Variants in GNA14 observed in about 807,000 individuals in gnomAD.
GNA14 encodes the protein G protein subunit alpha 14, also known as guanine nucleotide-binding protein subunit alpha-14.
GNA14 carries 50 observed loss-of-function variants against 42.0 expected under a neutral mutation model. The ratio of observed to expected loss-of-function variants is 1.19; its 90% CI spans 0.95 to 1.51. The LOEUF is 1.51. Ranked by LOEUF, GNA14 falls within the 40% of genes most tolerant of loss-of-function variation. The pLI is 0.00. For missense variants in GNA14, 473 were observed against 446.2 expected (o/e 1.06, Z -0.54); for synonymous variants, 173 against 163.1 (o/e 1.06, Z -0.46).
At chr9:77,498,803 T>G (rs114544153) in intron 2 of GNA14, among the ~76,000 whole-genome samples, 3,963 of 152,250 alleles carry the variant, frequency 0.026, 173 homozygotes, top group African/African-American at 0.089. Context: ...TCTCCAGCCC[T>G]CCTGGCTTTG....
chr9:77,590,993 G>T (rs1823382630), intron 1 of GNA14, among the ~76,000 whole-genome samples: 1 of 152,082 alleles, frequency 6.6e-6, no homozygotes, highest in Admixed American at 6.5e-5. Flanking sequence ...TTCTTCTATA[G>T]GAATAAAGAA....
Position 77,521,063 on chromosome 9 carries a change from G to A in GNA14, c.309+8006C>T, listed in dbSNP as rs1837348728. Among the ~76,000 whole-genome samples, 4 of 152,156 alleles carry A rather than the reference G, an allele frequency of 2.6e-5. No homozygotes were observed. The South Asian group carries it at 8.3e-4, about 32-fold the overall frequency. ...TATATTTCAAGCTCTGATTACAGCA[G>A]TTTTCACACTAAAGTAAACACTGAT... On this transcript the variant is annotated intron_variant, in intron 2 of 6. Transcript: ENST00000341700.
chr9:77,467,000 GGT>G (rs59321037), intron 2 of GNA14, among the ~76,000 whole-genome samples: 17,923 of 143,218 alleles, frequency 0.13, 1,072 homozygotes, highest in Middle Eastern at 0.18. Flanking sequence ...TTTACCACTC[GGT>G]GTGTGTGTGT....
intron 2 of GNA14, among the ~76,000 whole-genome samples, chr9:77,439,752 A>C: frequency 6.6e-6 from 1 of 152,360 alleles, no homozygotes; most frequent in Admixed American, 6.5e-5. Context: ...CTGTTCAAAC[A>C]ACCTCTATGG....
rs980060619 is a variant in GNA14, at chr9:77,647,595, G to A, written c.124+75C>T. On this transcript the variant is annotated intron_variant, in intron 1 of 6. Coordinates refer to ENST00000341700, the MANE Select transcript of GNA14 (RefSeq NM_004297.4). ...CCCCGCTGGGCTCCAGGGCCGCGCG[G>A]GTGCCAGTGGAGAGGCCGGGAGGGC... 16 of 1,507,390 alleles carry A rather than the reference G, an allele frequency of 1.1e-5. No individual in the cohort carries two copies. In the African/African-American group the frequency reaches 1.4e-4, roughly 13 times the overall value. The allele number at this position is 1,507,390 out of a possible 1,614,324, so 93.4% of individuals were successfully genotyped here. A position where few individuals can be genotyped will look rare whatever the true frequency, so the allele number is the denominator to read the frequency against.
intron 2 of GNA14, among the ~76,000 whole-genome samples, chr9:77,443,404 C>T (rs2377915): frequency 0.18 from 27,515 of 152,118 alleles, 2,709 homozygotes; most frequent in East Asian, 0.36. Context: ...CACTTCCCCA[C>T]CTCCTGCACC....
chr9:77,589,992 C>T (rs1489548784), intron 1 of GNA14, among the ~76,000 whole-genome samples: 1 of 152,166 alleles, frequency 6.6e-6, no homozygotes, highest in Non-Finnish European at 1.5e-5. Context: ...TATCGGCTCA[C>T]TGCAACCTCG....
chr9:77,567,579 T>C (rs1822986263), intron 1 of GNA14, among the ~76,000 whole-genome samples: 1 of 152,020 alleles, frequency 6.6e-6, no homozygotes, highest in African/African-American at 2.4e-5. Context: ...AGGGTAAAGA[T>C]ATTCCGGCTG....
intron 2 of GNA14, among the ~76,000 whole-genome samples, chr9:77,473,611 ATTTTTTT>A (rs200957339): frequency 1.5e-5 from 2 of 132,550 alleles, no homozygotes; most frequent in Non-Finnish European, 1.6e-5. Context: ...TTTCACCTGG[ATTTTTTT>A]TTTTTTTTTT....
At chr9:77,497,252 A>G (rs1836887474) in intron 2 of GNA14, among the ~76,000 whole-genome samples, 1 of 152,188 alleles carries the variant, frequency 6.6e-6, no homozygotes, top group Admixed American at 6.5e-5. Context: ...AAAGAGCTAG[A>G]TGTGATCTGC....
intron 1 of GNA14, among the ~76,000 whole-genome samples, chr9:77,586,291 A>C (rs984414261): frequency 1.3e-5 from 2 of 152,176 alleles, no homozygotes; most frequent in Non-Finnish European, 2.9e-5. Context: ...CTATATAAAG[A>C]TCTCTCACAA....
intron 1 of GNA14, among the ~76,000 whole-genome samples, chr9:77,646,436 ACCC>A (rs151127946): frequency 1.4e-5 from 2 of 145,354 alleles, no homozygotes; most frequent in African/African-American, 5.1e-5. Context: ...GGAGGGGCAC[ACCC>A]CCCCCCAACC....
intron 1 of GNA14, among the ~76,000 whole-genome samples, chr9:77,611,163 C>T (rs192911987): frequency 6.6e-6 from 1 of 152,256 alleles, no homozygotes; most frequent in Admixed American, 6.5e-5. Flanking sequence ...CTATCAAGAA[C>T]TAAGAAGGGT....
intron 5 of GNA14, among the ~76,000 whole-genome samples, chr9:77,428,110 G>C (rs1162355583): frequency 7.7e-6 from 1 of 130,546 alleles, no homozygotes; most frequent in African/African-American, 3.0e-5. Flanking sequence ...ATGGAGTCTC[G>C]CTCTGTTGCC....
intron 3 of GNA14, among the ~76,000 whole-genome samples, chr9:77,432,509 T>C (rs1477759004): frequency 6.6e-6 from 1 of 152,200 alleles, no homozygotes; most frequent in Admixed American, 6.5e-5. Context: ...CTGCAGCCCT[T>C]ACCACAGTGC....
chr9:77,447,285 T>C (rs1835836448), intron 2 of GNA14, among the ~76,000 whole-genome samples: 1 of 152,164 alleles, frequency 6.6e-6, no homozygotes, highest in Admixed American at 6.5e-5. Context: ...CTGTTATATA[T>C]CCCTTTCTGC....
chr9:77,595,906 T>C (rs1387295529), intron 1 of GNA14, among the ~76,000 whole-genome samples: 3 of 151,962 alleles, frequency 2.0e-5, no homozygotes, highest in African/African-American at 7.2e-5. Flanking sequence ...AAACAAGATA[T>C]GAGTCCTTTG....
chr9:77,560,798 C>T (rs1182222450), intron 1 of GNA14, among the ~76,000 whole-genome samples: 1 of 152,066 alleles, frequency 6.6e-6, no homozygotes, highest in Admixed American at 6.6e-5. Flanking sequence ...CACCTTATGC[C>T]TTAAATGAGG....
At chr9:77,544,966 G>A (rs1837703567) in intron 1 of GNA14, among the ~76,000 whole-genome samples, 1 of 152,098 alleles carries the variant, frequency 6.6e-6, no homozygotes, top group Admixed American at 6.5e-5. Context: ...ACAAGAATGA[G>A]CCTGAAGTCA....
Sources: allele counts gnomAD v4.1 joint callset (sites outside exome capture counted in the v4.1 genomes callset), GRCh38; gene constraint gnomAD v4.1.1; transcripts MANE v1.5; gene names NCBI Gene and HGNC (gene_info 2026-07-23, HGNC 2026-07-21).